RAPGEF1: variants seen among roughly 807,000 people sequenced by gnomAD.
RAPGEF1 encodes CRK SH3-binding GNRP.
In RAPGEF1, 33 loss-of-function variants were observed where a neutral mutation model predicts 143.3. The ratio of observed to expected loss-of-function variants is 0.23; its 90% CI spans 0.17 to 0.31. RAPGEF1 has a LOEUF of 0.31. Ranked by LOEUF, RAPGEF1 falls within the 10% of genes least tolerant of loss-of-function variation. RAPGEF1 has a pLI of 1.00. For missense variants in RAPGEF1, 1,199 were observed against 1,645.4 expected, an observed-to-expected ratio of 0.73 and a Z score of 4.69; for synonymous variants, 629 against 676.5, an observed-to-expected ratio of 0.93 and a Z score of 1.09.
At chr9:131,729,450 A>C (rs1293832740) in intron 1 of RAPGEF1, among the ~76,000 whole-genome samples, 1 of 152,248 alleles carries the variant, frequency 6.6e-6, no homozygotes, top group Non-Finnish European at 1.5e-5. Flanking sequence ...CAATATTTTC[A>C]GCAAATGTAC....
chr9:131,626,476 C>T (rs1564561679), intron 9 of RAPGEF1, 54 bp from the exon 10 acceptor site: 1 of 1,500,460 alleles, frequency 6.7e-7, no homozygotes, highest in Non-Finnish European at 8.9e-7. Flanking sequence ...CCTGCAGGAG[C>T]AGCCAGCTCC....
chr9:131,615,464 T>C (rs1345764170), intron 12 of RAPGEF1, among the ~76,000 whole-genome samples: 2 of 152,100 alleles, frequency 1.3e-5, no homozygotes, highest in East Asian at 3.8e-4. Flanking sequence ...CATCTCTCGG[T>C]CTGAAGCCTG....
chr9:131,598,857 C>T (rs1420013336), intron 15 of RAPGEF1, among the ~76,000 whole-genome samples: 1 of 149,446 alleles, frequency 6.7e-6, no homozygotes, highest in Non-Finnish European at 1.5e-5. Flanking sequence ...CGGAGTCTCG[C>T]TCTGTCACCC....
In RAPGEF1 at chr9:131,668,551, T is replaced by G. The variant is rs771504570; in HGVS notation, c.62-17602A>C. On this transcript the variant is annotated intron_variant, in intron 1 of 26. Transcript: ENST00000683357. Reference sequence around the variant, plus strand: ...CCTTGGCCAAGGTCACAGGGTTAAGTTTAAACCTCCCCTCCCCTCCCATTT... The same window carrying G: ...CCTTGGCCAAGGTCACAGGGTTAAGGTTAAACCTCCCCTCCCCTCCCATTT... 1.3e-4 allele frequency among the ~76,000 whole-genome samples: 20 copies of G among 151,936 alleles called. 1 individual carries two copies. The highest frequency in any genetic ancestry group is 7.2e-4 in the Admixed American group (11 of 15,264).
chr9:131,599,996 T>A (rs909349307), intron 15 of RAPGEF1, among the ~76,000 whole-genome samples: 2 of 152,072 alleles, frequency 1.3e-5, no homozygotes, highest in Non-Finnish European at 2.9e-5. Flanking sequence ...CGCTTGCCTG[T>A]AACCCAGCTA....
chr9:131,721,034 T>G (rs566563837), intron 1 of RAPGEF1, among the ~76,000 whole-genome samples: 4 of 152,284 alleles, frequency 2.6e-5, no homozygotes, highest in Non-Finnish European at 5.9e-5. Context: ...TAGGAGTGAC[T>G]GGAACATGCC....
chr9:131,698,925 C>T (rs566632786), intron 1 of RAPGEF1, among the ~76,000 whole-genome samples: 3 of 152,300 alleles, frequency 2.0e-5, no homozygotes, highest in Admixed American at 6.5e-5. Flanking sequence ...CCCTAAATAG[C>T]GGGGTGATTT....
At chr9:131,597,655 T>A (rs1435868369) in intron 16 of RAPGEF1, among the ~76,000 whole-genome samples, 1 of 152,196 alleles carries the variant, frequency 6.6e-6, no homozygotes, top group African/African-American at 2.4e-5. Context: ...GGGCCCTTTT[T>A]CACCAACGAG....
chr9:131,605,179 C>T lies in RAPGEF1; in HGVS notation c.2071G>A (p.Val691Met). 1 of 1,343,474 alleles carries T rather than the reference C, an allele frequency of 7.4e-7. No homozygotes were observed. The highest frequency in any genetic ancestry group is 9.9e-7 in the Non-Finnish European group (1 of 1,007,182). 83.2% of individuals were successfully genotyped at this position (1,343,474 alleles called of 1,614,324 possible). The change falls in exon 13 of 27, where the codon GTG becomes ATG. Residue 691 changes from valine to methionine, a missense_variant. By Grantham distance (21) the Val-to-Met change is conservative. Around this residue, in one of 6 missense-constraint regions of RAPGEF1, gnomAD observed 293 missense variants for 356.2 expected, o/e 0.82. Coordinates refer to ENST00000683357, the MANE Select transcript of RAPGEF1 (RefSeq NM_001377935.1). ...AAATCCTGGGAGTAGGACCTAAACA[C>T]AGACTTATACTACAGAATCCAGGTG... is the stretch of plus-strand genomic sequence containing the variant. ...GSLPVPSYKS[V>M]FRSYSQDFVP...
At chr9:131,733,731 C>T (rs1039361235) in intron 1 of RAPGEF1, among the ~76,000 whole-genome samples, 2 of 152,180 alleles carry the variant, frequency 1.3e-5, no homozygotes, top group African/African-American at 2.4e-5. Context: ...CTTTCCAGAG[C>T]GTGATCTTAT....
rs369097854 is a variant in RAPGEF1 at position 131,629,146 on chromosome 9, C to T, written c.849G>A (p.Ala283=). 377 of 1,613,982 alleles carry T rather than the reference C, an allele frequency of 2.3e-4. No homozygotes were observed. In the African/African-American group the frequency reaches 4.3e-3, roughly 18 times the overall value. ...LLPDATDEEV[A]PPKPPLPGIR... is the part of the protein sequence containing the mutation. ...TGCCAGGCAGAGGAGGCTTGGGGGG[C>T]GCGACCTCTTCATCCGTGGCATCTG... The change falls in exon 7 of 27, where the codon GCG becomes GCA. Residue 283 remains alanine, a synonymous_variant. Coordinates refer to ENST00000683357, the MANE Select transcript of RAPGEF1 (RefSeq NM_001377935.1).
At chr9:131,729,729 TG>T (rs1433458237) in intron 1 of RAPGEF1, among the ~76,000 whole-genome samples, 1 of 152,208 alleles carries the variant, frequency 6.6e-6, no homozygotes, top group East Asian at 1.9e-4. Flanking sequence ...AACTGTCAAA[TG>T]GGCACAATAC....
At chr9:131,600,068 A>T (rs1588325155) in intron 15 of RAPGEF1, among the ~76,000 whole-genome samples, 1 of 152,170 alleles carries the variant, frequency 6.6e-6, no homozygotes, top group Non-Finnish European at 1.5e-5. Context: ...GTGAGCCGAG[A>T]TCGCACCACT....
intron 14 of RAPGEF1, among the ~76,000 whole-genome samples, chr9:131,602,753 G>A (rs1427413433): frequency 2.0e-5 from 3 of 152,376 alleles, no homozygotes; most frequent in East Asian, 1.9e-4. Context: ...CTCAGGCCCT[G>A]GGGTGCCAGT....
intron 12 of RAPGEF1, among the ~76,000 whole-genome samples, chr9:131,618,143 G>A (rs1959370382): frequency 6.6e-6 from 1 of 152,240 alleles, no homozygotes; most frequent in Admixed American, 6.5e-5. Context: ...CTGAGCAAAT[G>A]CAATGGAACA....
intron 1 of RAPGEF1, among the ~76,000 whole-genome samples, chr9:131,719,553 CTTTTTTTTTTTT>C (rs34413859): frequency 4.1e-5 from 3 of 72,398 alleles, no homozygotes; most frequent in Admixed American, 2.0e-4. Flanking sequence ...CCCTTCAGGG[CTTTTTTTTTTTT>C]TTTTTTTTTT....
At chr9:131,722,712 C>A (rs1229970589) in intron 1 of RAPGEF1, among the ~76,000 whole-genome samples, 4 of 152,160 alleles carry the variant, frequency 2.6e-5, no homozygotes, top group African/African-American at 9.7e-5. Context: ...GGATTAAAAG[C>A]TTCATGGGCT....
intron 1 of RAPGEF1, among the ~76,000 whole-genome samples, chr9:131,669,182 G>C (rs1054980949): frequency 1.3e-5 from 2 of 152,212 alleles, no homozygotes; most frequent in Non-Finnish European, 2.9e-5. Flanking sequence ...CAGAGACTCT[G>C]AGAACTCACA....
intron 1 of RAPGEF1, among the ~76,000 whole-genome samples, chr9:131,653,714 G>A (rs1035183556): frequency 2.6e-5 from 4 of 152,168 alleles, no homozygotes; most frequent in African/African-American, 4.8e-5. Context: ...GGAAAATGTC[G>A]GGCAGTTTCT....
Sources: allele counts gnomAD v4.1 joint callset (sites outside exome capture counted in the v4.1 genomes callset), GRCh38; gene constraint gnomAD v4.1.1; regional missense constraint gnomAD v4.1.1; transcripts MANE v1.5; gene names NCBI Gene and HGNC (gene_info 2026-07-23, HGNC 2026-07-21).